The following TRAPPC12 variants were observed in gnomAD, a reference collection of about 807,000 sequenced individuals.
The protein encoded by TRAPPC12 is trafficking protein particle complex subunit 12.
In TRAPPC12, 61 loss-of-function variants were observed where a neutral mutation model predicts 69.2. That is an observed-to-expected ratio of 0.88 (90% CI 0.72 to 1.09). The LOEUF (loss-of-function observed/expected upper bound fraction) is 1.09, where lower values mean the gene tolerates loss of function less well. Ranked by LOEUF, TRAPPC12 falls within the 50% of genes least tolerant of loss-of-function variation. The pLI, the probability that TRAPPC12 is intolerant of heterozygous loss-of-function variation, is 0.00. For missense variants in TRAPPC12, 1,101 were observed against 1,016.4 expected, an observed-to-expected ratio of 1.08 and a Z score of -1.13; for synonymous variants, 469 against 438.9, an observed-to-expected ratio of 1.07 and a Z score of -0.86.
At chr2:3,443,198 C>T (rs972361976) in intron 5 of TRAPPC12, among the ~76,000 whole-genome samples, 16 of 152,362 alleles carry the variant, frequency 1.1e-4, no homozygotes, top group Admixed American at 3.3e-4. Flanking sequence ...GCTCCCTTGC[C>T]TCCTGTCAGA....
At chr2:3,426,351 C>T (rs2103064267) in intron 5 of TRAPPC12, among the ~76,000 whole-genome samples, 1 of 152,356 alleles carries the variant, frequency 6.6e-6, no homozygotes, top group Admixed American at 6.5e-5. Flanking sequence ...ACACCACTAT[C>T]ACTCTCGGAC....
intron 3 of TRAPPC12, among the ~76,000 whole-genome samples, chr2:3,412,024 T>C (rs1027239096): frequency 2.6e-5 from 4 of 152,236 alleles, no homozygotes; most frequent in Non-Finnish European, 5.9e-5. Flanking sequence ...AATTATAATT[T>C]GCATTTCTTT....
intron 6 of TRAPPC12, among the ~76,000 whole-genome samples, chr2:3,450,141 C>G (rs994696808): frequency 6.6e-6 from 1 of 152,136 alleles, no homozygotes; most frequent in African/African-American, 2.4e-5. Flanking sequence ...TGCCCAACCC[C>G]GCCACCCAGC....
intron 6 of TRAPPC12, among the ~76,000 whole-genome samples, chr2:3,446,697 C>T (rs1239011085): frequency 6.6e-6 from 1 of 152,246 alleles, no homozygotes; most frequent in Non-Finnish European, 1.5e-5. Context: ...AATGCGTCTC[C>T]ACGCTGTCCA....
intron 3 of TRAPPC12, among the ~76,000 whole-genome samples, chr2:3,419,958 A>G (rs1447692279): frequency 6.6e-6 from 1 of 152,244 alleles, no homozygotes; most frequent in Non-Finnish European, 1.5e-5. Flanking sequence ...GCGGCCTCCT[A>G]CAACACTAAA....
chr2:3,479,451 A>G lies in TRAPPC12; in HGVS notation c.2198A>G (p.Lys733Arg). 6.2e-7 allele frequency: 1 copy of G among 1,613,820 alleles called. No individual in the cohort carries two copies. Among genetic ancestry groups the G allele is most frequent in the Non-Finnish European group, 8.5e-7 (1 of 1,179,966 alleles). Residue 733 changes from lysine to arginine, a missense_variant, in exon 12 of 12, where the codon AAG becomes AGG. Transcript: ENST00000324266. Reference protein sequence around the residue: ...EGDSFNTQCLKLA With the variant: ...EGDSFNTQCLRLA ...GACAGCTTCAACACACAGTGCCTCA[A>G]GCTGGCCTAGCTGCCTCCAACACAC...
At chr2:3,461,345 C>T (rs1665486042) in intron 8 of TRAPPC12, among the ~76,000 whole-genome samples, 1 of 152,152 alleles carries the variant, frequency 6.6e-6, no homozygotes, top group Non-Finnish European at 1.5e-5. Context: ...GCAGCCCGCA[C>T]CCCGGCTTTA....
At chr2:3,385,070 A>G (rs1029059039) in intron 1 of TRAPPC12, among the ~76,000 whole-genome samples, 2 of 152,200 alleles carry the variant, frequency 1.3e-5, no homozygotes, top group Admixed American at 6.5e-5. Flanking sequence ...CCATTCTCAC[A>G]AAATCTTATG....
At chr2:3,462,187 G>A (rs1168865611) in intron 8 of TRAPPC12, among the ~76,000 whole-genome samples, 2 of 152,176 alleles carry the variant, frequency 1.3e-5, no homozygotes, top group East Asian at 1.9e-4. Flanking sequence ...AATAGAAAAC[G>A]ACGGAATGGG....
chr2:3,470,267 T>C (rs1439901497), intron 9 of TRAPPC12, among the ~76,000 whole-genome samples: 1 of 152,212 alleles, frequency 6.6e-6, no homozygotes, highest in African/African-American at 2.4e-5. Context: ...GAAGGCAGAT[T>C]TCCAGCTCCT....
chr2:3,468,983 T>C (rs1665946642), intron 9 of TRAPPC12, among the ~76,000 whole-genome samples: 1 of 152,294 alleles, frequency 6.6e-6, no homozygotes, highest in South Asian at 2.1e-4. Context: ...GTAGACAGAA[T>C]TGACTGCGCT....
chr2:3,395,729 A>ATT (rs374787114), intron 2 of TRAPPC12, among the ~76,000 whole-genome samples: 30 of 137,334 alleles, frequency 2.2e-4, no homozygotes, highest in Non-Finnish European at 2.5e-4. Context: ...CGCCCAGCTA[A>ATT]TTTTTTTTTT....
chr2:3,458,555 C>A lies in TRAPPC12; in HGVS notation c.1603+862C>A, dbSNP rs546859423. On this transcript the variant is annotated intron_variant, in intron 7 of 11. Coordinates refer to ENST00000324266, the MANE Select transcript of TRAPPC12 (RefSeq NM_016030.6). ...GGTGTGTGGATGTTGGGTGTGCATG[C>A]TGTGGCATGTGGTGTGGGTGTGGTG... 7.4e-6 allele frequency: 5 copies of A among 672,190 alleles called. No individual in the cohort carries two copies. In the African/African-American group the frequency reaches 7.8e-5, roughly 11 times the overall value. 41.6% of individuals were successfully genotyped at this position (672,190 alleles called of 1,614,324 possible).
intron 9 of TRAPPC12, 62 bp downstream of exon 9, chr2:3,465,757 G>A: frequency 9.3e-7 from 1 of 1,078,788 alleles, no homozygotes; most frequent in Non-Finnish European, 1.4e-6. Context: ...GCTCAGATGG[G>A]CGACTGTTTG....
chr2:3,405,503 ATTGTAT>A (rs2103478519), intron 3 of TRAPPC12, among the ~76,000 whole-genome samples: 1 of 152,310 alleles, frequency 6.6e-6, no homozygotes, highest in East Asian at 1.9e-4. Flanking sequence ...CTAGGACTGG[ATTGTAT>A]CCAGGGGTAG....
In TRAPPC12 at chr2:3,388,597, C is replaced by T. The variant is rs1453791596; in HGVS notation, c.974C>T (p.Thr325Ile). 2 of 1,608,942 alleles carry T rather than the reference C, an allele frequency of 1.2e-6. No individual in the cohort carries two copies. The highest frequency in any genetic ancestry group is 1.3e-5 in the African/African-American group (1 of 74,830). Residue 325 changes from threonine to isoleucine, a missense_variant, in exon 2 of 12, where the codon ACC becomes ATC. By Grantham distance (89) the Thr-to-Ile change is moderately conservative. Coordinates refer to ENST00000324266, the MANE Select transcript of TRAPPC12 (RefSeq NM_016030.6). ...ATRGVLRAVATQQRGAVFVDK... is the reference protein window; with the variant it reads ...ATRGVLRAVAIQQRGAVFVDK... ...CGTGGAGTCCTGCGGGCCGTGGCCACCCAGCAGCGCGGCGCCGTGTTCGTG... is the reference window on the plus strand; with the variant it reads ...CGTGGAGTCCTGCGGGCCGTGGCCATCCAGCAGCGCGGCGCCGTGTTCGTG...
At chr2:3,443,530 G>A (rs1664336211) in intron 5 of TRAPPC12, among the ~76,000 whole-genome samples, 1 of 152,238 alleles carries the variant, frequency 6.6e-6, no homozygotes, top group Non-Finnish European at 1.5e-5. Flanking sequence ...AATGATTGCA[G>A]TGTAGCTTTG....
At chr2:3,394,984 G>C (rs1008748183) in intron 2 of TRAPPC12, among the ~76,000 whole-genome samples, 1 of 152,146 alleles carries the variant, frequency 6.6e-6, no homozygotes, top group Non-Finnish European at 1.5e-5. Flanking sequence ...TGTTGGGAAA[G>C]CATATTTGAG....
chr2:3,385,757 C>T (rs1353329604), intron 1 of TRAPPC12, among the ~76,000 whole-genome samples: 2 of 152,224 alleles, frequency 1.3e-5, no homozygotes, highest in Non-Finnish European at 2.9e-5. Context: ...ATTCTTATTT[C>T]TAAAATAAAA....
Sources: gnomAD v4.1 joint callset for allele counts (sites outside exome capture counted in the v4.1 genomes callset) on GRCh38, gnomAD v4.1.1 for gene constraint, MANE v1.5 for transcripts, NCBI Gene and HGNC (gene_info 2026-07-23, HGNC 2026-07-21) for gene names.